The following YIPF4 variants were observed in gnomAD, a reference collection of about 807,000 sequenced individuals.
YIPF4 encodes the protein Yip1 domain family member 4, also known as protein YIPF4.
Under a neutral mutation model 29.4 loss-of-function variants are expected in YIPF4, and 18 were observed. The ratio of observed to expected loss-of-function variants is 0.61; its 90% CI spans 0.42 to 0.91. YIPF4 has a LOEUF of 0.91. Among genes scored for constraint, YIPF4 ranks in the 40% least tolerant of loss-of-function variants. YIPF4 has a pLI of 0.00. For missense variants in YIPF4, 279 were observed against 282.7 expected (o/e 0.99, Z 0.09); for synonymous variants, 115 against 104.7 (o/e 1.10, Z -0.60).
intron 1 of YIPF4, among the ~76,000 whole-genome samples, chr2:32,283,405 A>T (rs939806309): frequency 6.6e-6 from 1 of 152,090 alleles, no homozygotes; most frequent in Admixed American, 6.6e-5. Context: ...CAAATCCCTC[A>T]TTCTTAATGA....
At position 32,308,718 on chromosome 2, in the gene YIPF4, A is replaced by C. The variant is rs940152775; in HGVS notation, c.*3092A>C. The stretch of plus-strand genomic sequence containing the variant: ...ACAGGAGTGAAACTCCATCTCAAGA[A>C]AAACACAAAATACAAAACAAAACAA... On this transcript the variant is annotated 3_prime_UTR_variant, in exon 6 of 6. Coordinates refer to ENST00000238831, the MANE Select transcript of YIPF4 (RefSeq NM_032312.4). 2.6e-5 allele frequency: 4 copies of C among 151,158 alleles called. No homozygotes were observed. The highest frequency in any genetic ancestry group is 7.4e-5 in the African/African-American group (3 of 40,592). 9.4% of individuals were successfully genotyped at this position (151,158 alleles called of 1,614,324 possible). A position where few individuals can be genotyped will look rare whatever the true frequency, so the allele number is the denominator to read the frequency against.
chr2:32,306,529 C>G lies in YIPF4; in HGVS notation c.*903C>G, dbSNP rs1176894381. 4.1e-6 allele frequency: 4 copies of G among 984,620 alleles called. No homozygotes were observed. The African/African-American group carries it at 7.0e-5, about 17-fold the overall frequency. 61.0% of individuals were successfully genotyped at this position (984,620 alleles called of 1,614,324 possible). ...ACCTTTAAAATCTTGTGGTGTTGAA[C>G]AATGTTATATGAAGTAGAAAAAATA... On this transcript the variant is annotated 3_prime_UTR_variant, in exon 6 of 6. Transcript: ENST00000238831.
At position 32,278,173 on chromosome 2, in the gene YIPF4, G is replaced by A. The variant is rs781126936; in HGVS notation, c.18G>A (p.Pro6=). Residue 6 remains proline (P), a synonymous_variant, in exon 1 of 6, where the codon CCG becomes CCA. Coordinates refer to ENST00000238831, the MANE Select transcript of YIPF4 (RefSeq NM_032312.4). Reference sequence around the variant, plus strand: ...GCCGCGAGATGCAGCCTCCGGGCCCGCCCCCGGCCTATGCCCCCACTAACG... The same window carrying A: ...GCCGCGAGATGCAGCCTCCGGGCCCACCCCCGGCCTATGCCCCCACTAACG... The part of the protein sequence containing the change: MQPPG[P]PPAYAPTNGD... The A allele has an allele frequency of 6.4e-7, 1 of 1,567,688 alleles. No individual in the cohort carries two copies. Among genetic ancestry groups the A allele is most frequent in the Non-Finnish European group, 8.6e-7 (1 of 1,157,430 alleles).
chr2:32,285,912 A>C (rs920435422), intron 1 of YIPF4, among the ~76,000 whole-genome samples: 2 of 152,098 alleles, frequency 1.3e-5, no homozygotes, highest in Non-Finnish European at 2.9e-5. Context: ...AATAATATCC[A>C]TATAGGTCTA....
At chr2:32,292,865 A>G (rs2030977957) in intron 3 of YIPF4, among the ~76,000 whole-genome samples, 1 of 136,414 alleles carries the variant, frequency 7.3e-6, no homozygotes, top group Non-Finnish European at 1.5e-5. Context: ...TCCATCTCAA[A>G]AAAAAAAAAA....
intron 1 of YIPF4, among the ~76,000 whole-genome samples, chr2:32,281,688 T>A (rs1272461947): frequency 6.6e-6 from 1 of 151,900 alleles, no homozygotes; most frequent in Non-Finnish European, 1.5e-5. Flanking sequence ...GAGAGTTTGA[T>A]ACCAGCCTGG....
At position 32,310,611 on chromosome 2, in the gene YIPF4, A is replaced by T. The variant is rs963229722; in HGVS notation, c.*4985A>T. 2.0e-5 allele frequency: 3 copies of T among 152,152 alleles called. No homozygotes were observed. Among genetic ancestry groups the T allele is most frequent in the Admixed American group, 2.0e-4 (3 of 15,264 alleles). The allele number at this position is 152,152 out of a possible 1,614,324, so 9.4% of individuals were successfully genotyped here. ...AATTGTTTGTATGCCTGGGTACAGT[A>T]TCATACCTGTAATCCCAGCACTTTG... On this transcript the variant is annotated 3_prime_UTR_variant, in exon 6 of 6. Coordinates refer to ENST00000238831, the MANE Select transcript of YIPF4 (RefSeq NM_032312.4).
intron 1 of YIPF4, among the ~76,000 whole-genome samples, chr2:32,288,069 C>T (rs2030752594): frequency 6.6e-6 from 1 of 152,102 alleles, no homozygotes; most frequent in Admixed American, 6.5e-5. Context: ...TCTCTGACAT[C>T]ATTCTCCACT....
intron 4 of YIPF4, among the ~76,000 whole-genome samples, chr2:32,299,264 A>G (rs1252413890): frequency 2.6e-5 from 4 of 152,234 alleles, no homozygotes; most frequent in East Asian, 1.9e-4. Context: ...AACATAAACA[A>G]TACATTTAAA....
At chr2:32,297,941 CAG>C (rs2031257565) in intron 3 of YIPF4, among the ~76,000 whole-genome samples, 1 of 151,514 alleles carries the variant, frequency 6.6e-6, no homozygotes, top group Non-Finnish European at 1.5e-5. Context: ...TGCTGTAAGA[CAG>C]GGGGTTGATA....
chr2:32,313,018 A>G lies in YIPF4; in HGVS notation c.*7392A>G, dbSNP rs774808453. 1 of 151,986 alleles carries G rather than the reference A, an allele frequency of 6.6e-6. No individual in the cohort carries two copies. The highest frequency in any genetic ancestry group is 1.5e-5 in the Non-Finnish European group (1 of 68,004). 9.4% of individuals were successfully genotyped at this position (151,986 alleles called of 1,614,324 possible). A position where few individuals can be genotyped will look rare whatever the true frequency, so the allele number is the denominator to read the frequency against. Reference sequence around the variant, plus strand: ...AAAAAAAGACCGCCCCCCCCAATATACACACACCCTGACTTTAATGAGCTT... The same window carrying G: ...AAAAAAAGACCGCCCCCCCCAATATGCACACACCCTGACTTTAATGAGCTT... On this transcript the variant is annotated 3_prime_UTR_variant, in exon 6 of 6. Coordinates refer to ENST00000238831, the MANE Select transcript of YIPF4 (RefSeq NM_032312.4).
chr2:32,305,371 C>A, intron 5 of YIPF4, 118 bp from the exon 6 acceptor site: 1 of 1,196,944 alleles, frequency 8.4e-7, no homozygotes, highest in East Asian at 2.8e-5. Flanking sequence ...TTACTATTTA[C>A]CAAAATTGGT....
intron 1 of YIPF4, among the ~76,000 whole-genome samples, chr2:32,288,736 G>A (rs2030787303): frequency 6.6e-6 from 1 of 152,218 alleles, no homozygotes; most frequent in African/African-American, 2.4e-5. Context: ...CTTGAACCCA[G>A]GAGGTGGAGG....
chr2:32,283,171 T>C (rs1195556530), intron 1 of YIPF4, among the ~76,000 whole-genome samples: 1 of 152,060 alleles, frequency 6.6e-6, no homozygotes, highest in African/African-American at 2.4e-5. Context: ...GTTCAACATA[T>C]GTGAGTAATG....
Position 32,309,768 on chromosome 2 carries a change from A to G in YIPF4, c.*4142A>G, listed in dbSNP as rs2031680280. 1 of 146,188 alleles carries G rather than the reference A, an allele frequency of 6.8e-6. No individual in the cohort carries two copies. The allele number at this position is 146,188 out of a possible 1,614,324, so 9.1% of individuals were successfully genotyped here. ...GTGTGGCGCAATCTCAGCTCACTGC[A>G]ACCTCTGATTCCTGGGTTCAAGCAA... On this transcript the variant is annotated 3_prime_UTR_variant, in exon 6 of 6. Transcript: ENST00000238831.
chr2:32,301,621 C>G (rs1301592586), intron 5 of YIPF4, 126 bp downstream of exon 5: 3 of 573,298 alleles, frequency 5.2e-6, no homozygotes. Context: ...TTGGAAGTGA[C>G]CTTCCTTACT....
chr2:32,295,147 G>T (rs982942459), intron 3 of YIPF4, among the ~76,000 whole-genome samples: 1 of 152,200 alleles, frequency 6.6e-6, no homozygotes, highest in African/African-American at 2.4e-5. Context: ...TGATGAGAAG[G>T]ATTCCATCAG....
At position 32,299,605 on chromosome 2, in the gene YIPF4, T is replaced by A. The variant is rs189661350; in HGVS notation, c.483+1294T>A. On this transcript the variant is annotated intron_variant, in intron 4 of 5. Coordinates refer to ENST00000238831, the MANE Select transcript of YIPF4 (RefSeq NM_032312.4). Reference sequence around the variant, plus strand: ...GGGGGGCTGACGCAGGAGGATCACTTGCGCCCAGGAGTTCCAATACCAGCC... The same window carrying A: ...GGGGGGCTGACGCAGGAGGATCACTAGCGCCCAGGAGTTCCAATACCAGCC... 9.2e-4 allele frequency among the ~76,000 whole-genome samples: 140 copies of A among 152,206 alleles called. 2 individuals carry two copies. The highest frequency in any genetic ancestry group is 1.4e-3 in the Non-Finnish European group (95 of 67,986).
intron 1 of YIPF4, among the ~76,000 whole-genome samples, chr2:32,289,317 A>T (rs1053438317): frequency 1.3e-5 from 2 of 152,232 alleles, no homozygotes; most frequent in Non-Finnish European, 2.9e-5. Context: ...ACATTTGTCA[A>T]ACTTAATTGC....
Sources: allele counts gnomAD v4.1 joint callset (sites outside exome capture counted in the v4.1 genomes callset), GRCh38; gene constraint gnomAD v4.1.1; transcripts MANE v1.5; gene names NCBI Gene and HGNC (gene_info 2026-07-23, HGNC 2026-07-21).